Variants in ZNF490 observed in about 807,000 individuals in gnomAD.
ZNF490 encodes the protein zinc finger protein 490.
Under a neutral mutation model 17.7 loss-of-function variants are expected in ZNF490, and 11 were observed. The observed-to-expected ratio is 0.62, with a 90% CI of 0.39 to 1.03. ZNF490 has a LOEUF of 1.03. Among genes scored for constraint, ZNF490 ranks in the 50% least tolerant of loss-of-function variants. The pLI, the probability that ZNF490 is intolerant of heterozygous loss-of-function variation, is 0.00. For synonymous variants in ZNF490, 222 were observed against 216.1 expected (o/e 1.03, Z -0.24); for missense variants, 542 against 643.4 (o/e 0.84, Z 1.71).
At position 12,578,296 on chromosome 19, in the gene ZNF490, A is replaced by G. The variant is rs1274146392; in HGVS notation, c.*2189T>C. On this transcript the variant is annotated 3_prime_UTR_variant, in exon 5 of 5. Coordinates refer to ENST00000311437, the MANE Select transcript of ZNF490 (RefSeq NM_020714.3). ...ATTCTGAGTGTCCTACAGCTAAGAC[A>G]TGGCAGAGTGTGTCTGTGACTCCAC... The G allele has an allele frequency of 2.0e-6, 2 of 985,556 alleles. No individual in the cohort carries two copies. The highest frequency in any genetic ancestry group is 2.4e-6 in the Non-Finnish European group (2 of 830,090). 61.1% of individuals were successfully genotyped at this position (985,556 alleles called of 1,614,324 possible).
chr19:12,583,791 C>CTATA (rs1267957541), intron 2 of ZNF490, among the ~76,000 whole-genome samples: 28 of 68,136 alleles, frequency 4.1e-4, no homozygotes, highest in South Asian at 1.2e-3. Flanking sequence ...CTCTCTCTCT[C>CTATA]TATATATATA....
chr19:12,583,448 T>C lies in ZNF490; in HGVS notation c.271A>G (p.Lys91Glu), dbSNP rs2022766281. ...IYRDVMRATFKNLACIGEKWK... is the reference protein window; with the variant it reads ...IYRDVMRATFENLACIGEKWK... ...CCCTTACCTATACAGGCCAGGTTCT[T>C]GAAGGTTGCCCGCATCACATCTCTG... Residue 91 changes from lysine to glutamate, a missense_variant, in exon 3 of 5, where the codon AAG (lysine) becomes GAG (glutamate). By Grantham distance (56) the Lys-to-Glu change is moderately conservative. Transcript: ENST00000311437. 3 of 1,604,044 alleles carry C rather than the reference T, an allele frequency of 1.9e-6. No homozygotes were observed. Among genetic ancestry groups the C allele is most frequent in the Non-Finnish European group, 2.6e-6 (3 of 1,173,650 alleles).
At chr19:12,599,786 G>A (rs1460672451) in intron 2 of ZNF490, among the ~76,000 whole-genome samples, 1 of 152,114 alleles carries the variant, frequency 6.6e-6, no homozygotes, top group East Asian at 1.9e-4. Flanking sequence ...AAAGGTTAAT[G>A]GATTAAATTA....
Position 12,609,207 on chromosome 19 carries a change from T to A in ZNF490, c.118-5A>T, listed in dbSNP as rs774077687. 73 of 1,613,946 alleles carry A rather than the reference T, an allele frequency of 4.5e-5. 1 individual carries two copies. The South Asian group carries it at 8.0e-4, about 18-fold the overall frequency. ...ATGGTGTTCACTGTTCTGCATCTAATTAGAAACAAGAGGATGCATTTTGTG... is the reference window on the plus strand; with the variant it reads ...ATGGTGTTCACTGTTCTGCATCTAAATAGAAACAAGAGGATGCATTTTGTG... On this transcript the variant is annotated splice_region_variant and splice_polypyrimidine_tract_variant and intron_variant, in intron 1 of 4. Transcript: ENST00000311437.
At position 12,601,803 on chromosome 19, in the gene ZNF490, T is replaced by C. The variant is rs187716606; in HGVS notation, c.162+7355A>G. ...GTCAGGAGATCGAGACCATCCTGGC[T>C]AACATGGTGAAACCCTGTCTCTACT... On this transcript the variant is annotated intron_variant, in intron 2 of 4. Coordinates refer to ENST00000311437, the MANE Select transcript of ZNF490 (RefSeq NM_020714.3). Among the ~76,000 whole-genome samples the C allele has an allele frequency of 3.1e-3, 463 of 151,724 alleles. 2 individuals are homozygous for C. Among genetic ancestry groups the C allele is most frequent in the African/African-American group, 0.01 (422 of 41,424 alleles).
chr19:12,600,944 G>T (rs537169970), intron 2 of ZNF490, among the ~76,000 whole-genome samples: 1 of 152,146 alleles, frequency 6.6e-6, no homozygotes, highest in Non-Finnish European at 1.5e-5. Flanking sequence ...ACAAAAATTA[G>T]CCAGGTGTGG....
intron 2 of ZNF490, among the ~76,000 whole-genome samples, chr19:12,592,204 C>T (rs940533105): frequency 2.0e-5 from 3 of 152,152 alleles, no homozygotes; most frequent in South Asian, 2.1e-4. Context: ...AGTGTGGTGG[C>T]GCTTGCCTAT....
At position 12,576,786 on chromosome 19, in the gene ZNF490, C is replaced by T. The variant is rs1030878857; in HGVS notation, c.*3699G>A. Among the ~76,000 whole-genome samples, 1 of 131,640 alleles carries T rather than the reference C, an allele frequency of 7.6e-6. No homozygotes were observed. Among genetic ancestry groups the T allele is most frequent in the Non-Finnish European group, 1.5e-5 (1 of 65,546 alleles). The allele number at this position is 131,640 out of a possible 152,430, so 86.4% of individuals were successfully genotyped here. On this transcript the variant is annotated 3_prime_UTR_variant, in exon 5 of 5. Transcript: ENST00000311437. ...GAGCCAAGATTGTGCCACTGCACTCCAGCCTGGCAACAGTGAGAATCCATC... is the reference window on the plus strand; with the variant it reads ...GAGCCAAGATTGTGCCACTGCACTCTAGCCTGGCAACAGTGAGAATCCATC...
intron 2 of ZNF490, among the ~76,000 whole-genome samples, chr19:12,602,594 C>G (rs908169561): frequency 6.6e-6 from 1 of 151,504 alleles, no homozygotes; most frequent in Non-Finnish European, 1.5e-5. Flanking sequence ...TAATGGTCAT[C>G]TACACAGTGC....
rs1006225068 is a variant in ZNF490, at chr19:12,580,231, C to T, written c.*254G>A. 1 of 1,244,120 alleles carries T rather than the reference C, an allele frequency of 8.0e-7. No homozygotes were observed. The allele number at this position is 1,244,120 out of a possible 1,614,324, so 77.1% of individuals were successfully genotyped here. A position where few individuals can be genotyped will look rare whatever the true frequency, so the allele number is the denominator to read the frequency against. On this transcript the variant is annotated 3_prime_UTR_variant, in exon 5 of 5. Transcript: ENST00000311437. ...AAAGATTACGTGAAGTGAAGGCTTT[C>T]CTACACTCCATACATTCGTAGCTTT...
intron 2 of ZNF490, among the ~76,000 whole-genome samples, chr19:12,588,713 A>G (rs1186765069): frequency 6.6e-6 from 1 of 152,210 alleles, no homozygotes; most frequent in Non-Finnish European, 1.5e-5. Flanking sequence ...GATATCTCAC[A>G]TTCTGGTAAA....
chr19:12,588,071 T>C (rs1359598780), intron 2 of ZNF490, among the ~76,000 whole-genome samples: 1 of 47,360 alleles, frequency 2.1e-5, no homozygotes, highest in Non-Finnish European at 7.0e-5. Flanking sequence ...GGTTTCACCA[T>C]GTTGGCCAGG....
At chr19:12,601,892 G>C (rs1380163157) in intron 2 of ZNF490, among the ~76,000 whole-genome samples, 2 of 151,774 alleles carry the variant, frequency 1.3e-5, no homozygotes, top group Non-Finnish European at 2.9e-5. Context: ...TACTCAGGAG[G>C]CTGAGGCAGG....
intron 2 of ZNF490, among the ~76,000 whole-genome samples, chr19:12,592,598 A>G (rs535750196): frequency 6.6e-6 from 1 of 152,184 alleles, no homozygotes; most frequent in East Asian, 1.9e-4. Context: ...AGCACAGGGG[A>G]TATTTAGGTG....
At chr19:12,596,280 A>AAAAAAAAG (rs2022932767) in intron 2 of ZNF490, among the ~76,000 whole-genome samples, 1 of 151,254 alleles carries the variant, frequency 6.6e-6, no homozygotes, top group Non-Finnish European at 1.5e-5. Context: ...AAAAAAAAAA[A>AAAAAAAAG]GTGATTTGAT....
chr19:12,592,201 T>C lies in ZNF490; in HGVS notation c.163-8645A>G, dbSNP rs2022881184. 2.0e-5 allele frequency among the ~76,000 whole-genome samples: 3 copies of C among 152,166 alleles called. No homozygotes were observed. In the South Asian group the frequency reaches 6.2e-4, roughly 32 times the overall value. ...AAATACAAAAATTAGCTGAGTGTGG[T>C]GGCGCTTGCCTATCATCTCAGCTAC... On this transcript the variant is annotated intron_variant, in intron 2 of 4. Transcript: ENST00000311437.
intron 2 of ZNF490, among the ~76,000 whole-genome samples, chr19:12,602,115 C>CACAA (rs2023014823): frequency 6.6e-6 from 1 of 150,780 alleles, no homozygotes; most frequent in African/African-American, 2.4e-5. Flanking sequence ...CACACACACA[C>CACAA]ACACACACAC....
chr19:12,597,029 C>A, intron 2 of ZNF490: 1 of 438,092 alleles, frequency 2.3e-6, no homozygotes, highest in Non-Finnish European at 4.6e-6. Context: ...GCTGCCGGCC[C>A]AGCCCCACGC....
intron 1 of ZNF490, 89 bp from the exon 2 acceptor site, chr19:12,609,291 C>G (rs2023113699): frequency 1.9e-6 from 2 of 1,074,142 alleles, no homozygotes. Flanking sequence ...ATTGTTCCCC[C>G]TGCATCTACC....
Sources: allele counts gnomAD v4.1 joint callset (sites outside exome capture counted in the v4.1 genomes callset), GRCh38; gene constraint gnomAD v4.1.1; transcripts MANE v1.5; gene names NCBI Gene and HGNC (gene_info 2026-07-23, HGNC 2026-07-21).